KCNH2: variants seen among roughly 807,000 people sequenced by gnomAD.
The protein encoded by KCNH2 is voltage-gated inwardly rectifying potassium channel KCNH2.
A neutral mutation model predicts 95.9 loss-of-function variants in KCNH2; 35 were observed. That is an observed-to-expected ratio of 0.37 (90% confidence interval 0.28 to 0.48). The LOEUF (loss-of-function observed/expected upper bound fraction) is 0.48, where lower values mean the gene tolerates loss of function less well. Ranked by LOEUF, KCNH2 falls within the 20% of genes least tolerant of loss-of-function variation. The probability of loss-of-function intolerance (pLI) is 0.99; values close to 1 mark genes in which losing one functional copy is unlikely to be tolerated. For synonymous variants in KCNH2, 786 were observed against 754.7 expected (o/e 1.04, Z -0.68); for missense variants, 1,274 against 1,702.9 (o/e 0.75, Z 4.43).
chr7:150,946,262 C>A lies in KCNH2; in HGVS notation c.3330+615G>T, dbSNP rs1335543941. Among the ~76,000 whole-genome samples, 1 of 152,172 alleles carries A rather than the reference C, an allele frequency of 6.6e-6. No individual in the cohort carries two copies. The highest frequency in any genetic ancestry group is 2.4e-5 in the African/African-American group (1 of 41,430). On this transcript the variant is annotated intron_variant, in intron 14 of 14. Transcript: ENST00000262186. The surrounding 1 kb of genome is among the most constrained non-coding windows in gnomAD (Gnocchi z 6.5). ...ACATGCAGGTCCACCCAGGAGAGGA[C>A]AAGGGGCAACTAAGGCCCATCTCTA...
rs772977339 is a variant in KCNH2 at position 150,946,625 on chromosome 7, G to A, written c.3330+252C>T. ...GTGGACACTAGGGGAGTGAAGCTGC[G>A]GGCCACTTAGCCTACAGGTTCCCTG... is the stretch of plus-strand genomic sequence containing the variant. On this transcript the variant is annotated intron_variant, in intron 14 of 14. Transcript: ENST00000262186. This position sits in a 1 kb window ranked among gnomAD's most constrained non-coding sequence, Gnocchi z 6.5. 6.6e-6 allele frequency among the ~76,000 whole-genome samples: 1 copy of A among 152,288 alleles called. No individual in the cohort carries two copies. The highest frequency in any genetic ancestry group is 1.9e-4 in the East Asian group (1 of 5,166).
At chr7:150,958,979 C>T (rs1584867023) in intron 3 of KCNH2, among the ~76,000 whole-genome samples, 1 of 152,322 alleles carries the variant, frequency 6.6e-6, no homozygotes, top group Middle Eastern at 3.4e-3. Flanking sequence ...GCACTTTTGT[C>T]ATGATGCTGA....
chr7:150,948,871 G>A lies in KCNH2; in HGVS notation c.2577C>T (p.Thr859=). Residue 859 remains threonine, a synonymous_variant, in exon 10 of 15, where the codon ACC becomes ACT. Transcript: ENST00000262186. ...SDHFWSSLEI[T]FNLRDTNMIP... ...GCCAACTCACATCTCGCAGGTTGAA[G>A]GTGATCTCCAGGCTGGACCAGAAGT... 1 of 1,614,198 alleles carries A rather than the reference G, an allele frequency of 6.2e-7. No individual in the cohort carries two copies.
In KCNH2 at chr7:150,951,584, G is replaced by A. The variant is rs41314375; in HGVS notation, c.1809C>T (p.Gly603=). The change falls in exon 7 of 15, where the codon GGC becomes GGT. Residue 603 remains glycine, a synonymous_variant. Coordinates refer to ENST00000262186, the MANE Select transcript of KCNH2 (RefSeq NM_000238.4). The part of the protein sequence containing the change: ...IGKPYNSSGL[G]GPSIKDKYVT... The stretch of plus-strand genomic sequence containing the variant: ...CATACTTGTCCTTGATGGAGGGGCC[G>A]CCCAGGCCGCTGCTGTTGTAGGGTT... 3,756 of 1,614,174 alleles carry A rather than the reference G, an allele frequency of 2.3e-3. 75 individuals carry two copies. The African/African-American group carries it at 0.043, about 19-fold the overall frequency.
At chr7:150,977,795 G>GCC in intron 1 of KCNH2, 43 bp downstream of exon 1, 4 of 440,730 alleles carry the variant, frequency 9.1e-6, no homozygotes, top group Admixed American at 5.0e-5. Context: ...AGCTCGGCCC[G>GCC]CCCCCAGAGC....
chr7:150,946,165 C>CA lies in KCNH2; in HGVS notation c.3331-652_3331-651insT, dbSNP rs1800880441. 6.6e-6 allele frequency among the ~76,000 whole-genome samples: 1 copy of CA among 152,138 alleles called. No homozygotes were observed. Among genetic ancestry groups the CA allele is most frequent in the Non-Finnish European group, 1.5e-5 (1 of 68,012 alleles). On this transcript the variant is annotated intron_variant, in intron 14 of 14. Transcript: ENST00000262186. This position sits in a 1 kb window ranked among gnomAD's most constrained non-coding sequence, Gnocchi z 6.5. The stretch of plus-strand genomic sequence containing the variant: ...GGAGGGAGCAGATCCCAGGCCGCCT[C>CA]TGGCAGCCAGAGGAGTCCCCACCAT...
In KCNH2 at chr7:150,946,866, C is replaced by T. The variant is rs1186090032; in HGVS notation, c.3330+11G>A. The T allele has an allele frequency of 6.3e-7, 1 of 1,596,270 alleles. No homozygotes were observed. The highest frequency in any genetic ancestry group is 2.3e-5 in the East Asian group (1 of 44,408). ...GTCACGGTACATCGAGGAAGCAGGGCTGGAGCTTACCTGAGAAAGCGAGTC... is the reference window on the plus strand; with the variant it reads ...GTCACGGTACATCGAGGAAGCAGGGTTGGAGCTTACCTGAGAAAGCGAGTC... On this transcript the variant is annotated intron_variant, in intron 14 of 14. Transcript: ENST00000262186. This position sits in a 1 kb window ranked among gnomAD's most constrained non-coding sequence, Gnocchi z 6.5.
Position 150,958,470 on chromosome 7 carries a change from C to T in KCNH2, c.505G>A (p.Ala169Thr). ...TCCCGGGCCGTCAGCGCCAGCAGCG[C>T]GGGCAGCTTCAGGCGGAAGGTCTTG... ...RAKTFRLKLPALLALTARESS... is the reference protein window; with the variant it reads ...RAKTFRLKLPTLLALTARESS... Residue 169 changes from alanine (A) to threonine (T), a missense_variant, in exon 4 of 15, where the codon GCG (alanine) becomes ACG (threonine). Physicochemically the swap from Ala to Thr is moderately conservative, Grantham distance 58. Transcript: ENST00000262186. 6.8e-7 allele frequency: 1 copy of T among 1,467,666 alleles called. No individual in the cohort carries two copies. Among genetic ancestry groups the T allele is most frequent in the Non-Finnish European group, 9.0e-7 (1 of 1,115,860 alleles). 90.9% of individuals were successfully genotyped at this position (1,467,666 alleles called of 1,614,324 possible).
At position 150,948,476 on chromosome 7, in the gene KCNH2, C is replaced by T. The variant is rs199473432; in HGVS notation, c.2660G>A (p.Arg887His). ...LEGGFSRQRKRKLSFRRRTDK... is the reference protein window; with the variant it reads ...LEGGFSRQRKHKLSFRRRTDK... Reference sequence around the variant, plus strand: ...CGTGCGCCTGCGGAAGGACAACTTGCGCTTGCGTTGCCGACTGAAGCCACC... The same window carrying T: ...CGTGCGCCTGCGGAAGGACAACTTGTGCTTGCGTTGCCGACTGAAGCCACC... The change falls in exon 11 of 15, where the codon CGC (arginine) becomes CAC (histidine). Residue 887 changes from arginine (R) to histidine (H), a missense_variant. By Grantham distance (29) the Arg-to-His change is conservative (BLOSUM62 0). Coordinates refer to ENST00000262186, the MANE Select transcript of KCNH2 (RefSeq NM_000238.4). 9.1e-6 allele frequency: 14 copies of T among 1,538,370 alleles called. No homozygotes were observed. The highest frequency in any genetic ancestry group is 1.7e-4 in the Middle Eastern group (1 of 5,752).
In KCNH2 at chr7:150,948,859, T is replaced by C. The variant is rs1036535206; in HGVS notation, c.2589A>G (p.Arg863=). ...WSSLEITFNL[R]DTNMIPGSPG... ...CAGCTCAGGGCAGCCAACTCACATC[T>C]CGCAGGTTGAAGGTGATCTCCAGGC... The change falls in exon 10 of 15, where the codon CGA becomes CGG. Residue 863 remains arginine, a synonymous_variant. Coordinates refer to ENST00000262186, the MANE Select transcript of KCNH2 (RefSeq NM_000238.4). 5 of 1,613,960 alleles carry C rather than the reference T, an allele frequency of 3.1e-6. No homozygotes were observed. The highest frequency in any genetic ancestry group is 8.5e-7 in the Non-Finnish European group (1 of 1,179,990).
chr7:150,971,433 C>T (rs1563186077), intron 2 of KCNH2, among the ~76,000 whole-genome samples: 1 of 152,154 alleles, frequency 6.6e-6, no homozygotes, highest in Non-Finnish European at 1.5e-5. Context: ...AACTGGCCTG[C>T]AGCTGGAGTG....
chr7:150,969,430 C>A (rs1801782168), intron 2 of KCNH2, among the ~76,000 whole-genome samples: 1 of 148,148 alleles, frequency 6.8e-6, no homozygotes, highest in Non-Finnish European at 1.5e-5. Flanking sequence ...AAGACTCTGT[C>A]CCCCCACCCC....
rs1282582760 is a variant in KCNH2, at chr7:150,977,952, C to A, written c.-39G>T. 1 of 1,302,534 alleles carries A rather than the reference C, an allele frequency of 7.7e-7. No homozygotes were observed. Among genetic ancestry groups the A allele is most frequent in the Admixed American group, 2.4e-5 (1 of 41,960 alleles). The allele number at this position is 1,302,534 out of a possible 1,614,324, so 80.7% of individuals were successfully genotyped here. On this transcript the variant is annotated 5_prime_UTR_variant, in exon 1 of 15. Transcript: ENST00000262186. ...GCGGGCCGGGCGGGCCCCCACCCACCCCGGCCCGGCCCGGCCCAGCACTAG... is the reference window on the plus strand; with the variant it reads ...GCGGGCCGGGCGGGCCCCCACCCACACCGGCCCGGCCCGGCCCAGCACTAG...
chr7:150,955,605 G>A (rs970386336), intron 5 of KCNH2: 18 of 1,437,652 alleles, frequency 1.3e-5, no homozygotes, highest in East Asian at 5.1e-5. Context: ...CTGCACCCCC[G>A]AGGCTGGCCG....
At chr7:150,950,821 C>T (rs1801119823) in intron 8 of KCNH2, 100 bp downstream of exon 8, 3 of 1,283,772 alleles carry the variant, frequency 2.3e-6, no homozygotes, top group Non-Finnish European at 3.3e-6. Flanking sequence ...TTACTACTGA[C>T]TGTGACCGCC....
intron 5 of KCNH2, chr7:150,955,249 C>G (rs143533701): frequency 4.9e-6 from 4 of 816,372 alleles, no homozygotes; most frequent in Non-Finnish European, 8.2e-6. Flanking sequence ...GAGCCAGGCG[C>G]GGGTGAGCAG....
chr7:150,948,421 C>CCCCCCCCCCCCCCCCCCT, intron 11 of KCNH2, 23 bp downstream of exon 11: 1 of 1,360,856 alleles, frequency 7.3e-7, no homozygotes, highest in Admixed American at 1.8e-5. Context: ...CGCCCTCCCC[C>CCCCCCCCCCCCCCCCCCT]TTCCTCCCCT....
At chr7:150,967,900 T>C (rs1271652205) in intron 2 of KCNH2, among the ~76,000 whole-genome samples, 3 of 152,194 alleles carry the variant, frequency 2.0e-5, no homozygotes, top group Non-Finnish European at 4.4e-5. Flanking sequence ...TGCATTGGTA[T>C]CTCTAGAGTA....
At position 150,951,786 on chromosome 7, in the gene KCNH2, G is replaced by A. The variant is rs942781074; in HGVS notation, c.1607C>T (p.Ala536Val). The change falls in exon 7 of 15, where the codon GCG (alanine) becomes GTG (valine). Residue 536 changes from alanine to valine, a missense_variant. Ala to Val is a moderately conservative substitution (Grantham distance 64). Around this residue, in one of 7 missense-constraint regions of KCNH2, gnomAD observed 147 missense variants for 344.4 expected, o/e 0.43. Transcript: ENST00000262186. Reference protein sequence around the residue: ...TARLLRLVRVARKLDRYSEYG... With the variant: ...TARLLRLVRVVRKLDRYSEYG... ...CTCTGAGTAGCGATCCAGCTTCCGC[G>A]CCACGCGCACCAGCCGCAGCAGCCG... is the stretch of plus-strand genomic sequence containing the variant. 1 of 1,595,886 alleles carries A rather than the reference G, an allele frequency of 6.3e-7. No individual in the cohort carries two copies. The highest frequency in any genetic ancestry group is 8.6e-7 in the Non-Finnish European group (1 of 1,167,662).
Sources: gnomAD v4.1 joint callset for allele counts (sites outside exome capture counted in the v4.1 genomes callset) on GRCh38, gnomAD v4.1.1 for gene constraint, gnomAD v4.1.1 regional missense constraint, Gnocchi (gnomAD v3.1) non-coding constraint, MANE v1.5 for transcripts, NCBI Gene and HGNC (gene_info 2026-07-23, HGNC 2026-07-21) for gene names.